Variants in PPP1R37 observed in about 807,000 individuals in gnomAD.
PPP1R37 encodes the protein protein phosphatase 1 regulatory subunit 37.
A neutral mutation model predicts 61.0 loss-of-function variants in PPP1R37; 21 were observed. That is an observed-to-expected ratio of 0.34 (90% CI 0.24 to 0.50). The LOEUF is 0.50. Among genes scored for constraint, PPP1R37 ranks in the 20% least tolerant of loss-of-function variants. The probability of loss-of-function intolerance (pLI) is 0.98; values close to 1 mark genes in which losing one functional copy is unlikely to be tolerated. For missense variants in PPP1R37, 910 were observed against 952.7 expected (o/e 0.96, Z 0.59); for synonymous variants, 443 against 433.5 (o/e 1.02, Z -0.27).
rs891629021 is a variant in PPP1R37 at position 45,130,141 on chromosome 19, C to CG, written c.203-8368dup. On this transcript the variant is annotated intron_variant, in intron 1 of 12. Coordinates refer to ENST00000221462, the MANE Select transcript of PPP1R37 (RefSeq NM_019121.2). This position sits in a 1 kb window ranked among gnomAD's most constrained non-coding sequence, Gnocchi z 4.4. ...ACCCCTCTTGGAGCTGGAGCACTAG[C>CG]GGGGGCTCAGCTGCCAAAACCCAGG... Among the ~76,000 whole-genome samples the CG allele has an allele frequency of 2.0e-5, 3 of 152,192 alleles. No individual in the cohort carries two copies. The East Asian group carries it at 5.8e-4, about 29-fold the overall frequency.
intron 2 of PPP1R37, among the ~76,000 whole-genome samples, chr19:45,138,946 T>C (rs1285531350): frequency 7.6e-6 from 1 of 132,340 alleles, no homozygotes; most frequent in Non-Finnish European, 1.6e-5. Context: ...GGAGTCTCGC[T>C]TTTGTCTCCC....
rs540449307 is a variant in PPP1R37, at chr19:45,117,304, C to T, written c.203-21210C>T. 2.6e-4 allele frequency among the ~76,000 whole-genome samples: 40 copies of T among 152,260 alleles called. No individual in the cohort carries two copies. In the East Asian group the frequency reaches 6.6e-3, roughly 25 times the overall value. On this transcript the variant is annotated intron_variant, in intron 1 of 12. Transcript: ENST00000221462. ...GGAAGCTGTCAGAGGGAGGGAAGAG[C>T]AGTTGCAGACCCGGAGGCGGGAACA... is the stretch of plus-strand genomic sequence containing the variant.
chr19:45,129,272 C>T (rs1968446990), intron 1 of PPP1R37, among the ~76,000 whole-genome samples: 1 of 152,162 alleles, frequency 6.6e-6, no homozygotes, highest in African/African-American at 2.4e-5. Context: ...CACTACAGCC[C>T]TGGTTGGGGG....
rs1193284114 is a variant in PPP1R37 at position 45,145,414 on chromosome 19, G to A, written c.1358G>A (p.Arg453His). Residue 453 changes from arginine to histidine, a missense_variant, in exon 11 of 13, where the codon CGC becomes CAC. By Grantham distance (29) the Arg-to-His change is conservative. Transcript: ENST00000221462. ...LLAEIQNGCK[R>H]NLVLAREREE... ...GCCGAGATCCAGAACGGCTGCAAGCGCAACTTGGTGCTGGCGCGGGAGAGG... is the reference window on the plus strand; with the variant it reads ...GCCGAGATCCAGAACGGCTGCAAGCACAACTTGGTGCTGGCGCGGGAGAGG... The A allele has an allele frequency of 2.0e-6, 3 of 1,535,402 alleles. No homozygotes were observed. The highest frequency in any genetic ancestry group is 1.4e-5 in the African/African-American group (1 of 73,134).
intron 1 of PPP1R37, among the ~76,000 whole-genome samples, chr19:45,119,746 G>T (rs1406499914): frequency 6.6e-6 from 1 of 152,234 alleles, no homozygotes; most frequent in Non-Finnish European, 1.5e-5. Flanking sequence ...AAGTGGCCAG[G>T]TAGGGCTGTG....
chr19:45,141,260 C>T, intron 4 of PPP1R37, 62 bp from the exon 5 acceptor site: 1 of 1,475,256 alleles, frequency 6.8e-7, no homozygotes, highest in Non-Finnish European at 9.0e-7. Context: ...GGTGTCAGGG[C>T]CCACGCCTCT....
intron 1 of PPP1R37, among the ~76,000 whole-genome samples, chr19:45,104,488 T>G (rs370253797): frequency 1.3e-5 from 2 of 152,182 alleles, no homozygotes; most frequent in East Asian, 3.9e-4. Context: ...AGTCCTTTTT[T>G]CCTGCATTCA....
Position 45,145,914 on chromosome 19 carries a change from C to T in PPP1R37, c.1858C>T (p.Pro620Ser). 2 of 1,534,086 alleles carry T rather than the reference C, an allele frequency of 1.3e-6. No individual in the cohort carries two copies. Among genetic ancestry groups the T allele is most frequent in the Non-Finnish European group, 1.7e-6 (2 of 1,146,296 alleles). Residue 620 changes from proline (P) to serine (S), a missense_variant, in exon 11 of 13, where the codon CCT becomes TCT. This residue lies in a region of PPP1R37 where 549 missense variants were observed against 505.1 expected (regional missense o/e 1.09). Transcript: ENST00000221462. ...IDTRDTGSSE[P>S]QPPPEPPRSG... ...CACCCGGGACACAGGGTCCTCTGAGCCTCAGCCACCACCGGAGCCGCCTCG... is the reference window on the plus strand; with the variant it reads ...CACCCGGGACACAGGGTCCTCTGAGTCTCAGCCACCACCGGAGCCGCCTCG...
intron 1 of PPP1R37, among the ~76,000 whole-genome samples, chr19:45,095,625 TGG>T (rs1284254095): frequency 6.6e-6 from 1 of 151,756 alleles, no homozygotes; most frequent in African/African-American, 2.4e-5. Flanking sequence ...TAGCCAGGTG[TGG>T]TGGTGCACGC....
At chr19:45,139,232 G>A (rs2122751857) in intron 2 of PPP1R37, among the ~76,000 whole-genome samples, 1 of 152,254 alleles carries the variant, frequency 6.6e-6, no homozygotes, top group South Asian at 2.1e-4. Context: ...ATAAAAGTCA[G>A]AATTACAGAA....
At chr19:45,106,458 G>C (rs886224329) in intron 1 of PPP1R37, among the ~76,000 whole-genome samples, 2 of 152,104 alleles carry the variant, frequency 1.3e-5, no homozygotes, top group African/African-American at 4.8e-5. Flanking sequence ...TGGCTGGGCT[G>C]ATCTCGAACT....
intron 1 of PPP1R37, among the ~76,000 whole-genome samples, chr19:45,128,180 C>G (rs974782841): frequency 1.3e-5 from 2 of 152,240 alleles, no homozygotes; most frequent in Admixed American, 6.5e-5. Context: ...GCCAGCTCAC[C>G]TTCCTAAAAG....
intron 1 of PPP1R37, among the ~76,000 whole-genome samples, chr19:45,093,794 A>T (rs1218861907): frequency 6.6e-6 from 1 of 152,080 alleles, no homozygotes; most frequent in East Asian, 1.9e-4. Flanking sequence ...GCAATTAAAG[A>T]AAGTTTGGTG....
chr19:45,103,339 C>T (rs926883664), intron 1 of PPP1R37, among the ~76,000 whole-genome samples: 16 of 152,204 alleles, frequency 1.1e-4, no homozygotes, highest in African/African-American at 3.4e-4. Flanking sequence ...AAGCCTGGGT[C>T]GGGAGCCCTG....
chr19:45,110,841 T>G (rs1259664691), intron 1 of PPP1R37, among the ~76,000 whole-genome samples: 1 of 152,120 alleles, frequency 6.6e-6, no homozygotes, highest in Non-Finnish European at 1.5e-5. Context: ...AATTCCAATC[T>G]AAAGCACTCC....
chr19:45,116,911 CTT>C (rs61317000), intron 1 of PPP1R37, among the ~76,000 whole-genome samples: 14 of 121,026 alleles, frequency 1.2e-4, no homozygotes, highest in African/African-American at 1.6e-4. Flanking sequence ...GAGGAGGTGA[CTT>C]TTTTTTTTTT....
chr19:45,110,305 G>A (rs1208288036), intron 1 of PPP1R37, among the ~76,000 whole-genome samples: 2 of 151,678 alleles, frequency 1.3e-5, no homozygotes, highest in Admixed American at 6.6e-5. Flanking sequence ...TTGTAGAGAC[G>A]GGGTTTCCCT....
rs1350556811 is a variant in PPP1R37, at chr19:45,142,116, C to T, written c.623C>T (p.Ala208Val). 9.8e-6 allele frequency: 15 copies of T among 1,534,366 alleles called. No individual in the cohort carries two copies. The highest frequency in any genetic ancestry group is 3.9e-5 in the Admixed American group (2 of 50,930). ...AACACGCCCCTGCTGGACCACTCGG[C>T]GCCCTTCGTGGCCCGTGCCCTGCGC... Reference protein sequence around the residue: ...ARNTPLLDHSAPFVARALRIR... With the variant: ...ARNTPLLDHSVPFVARALRIR... Residue 208 changes from alanine (A) to valine (V), a missense_variant, in exon 6 of 13, where the codon GCG (alanine) becomes GTG (valine). Ala to Val is a moderately conservative substitution (Grantham distance 64). This residue lies in a region of PPP1R37 where 280 missense variants were observed against 382.2 expected (regional missense o/e 0.73). Transcript: ENST00000221462.
At position 45,138,572 on chromosome 19, in the gene PPP1R37, G is replaced by A; in HGVS notation, c.261G>A (p.Leu87=). 6.8e-7 allele frequency: 1 copy of A among 1,461,924 alleles called. No individual in the cohort carries two copies. The highest frequency in any genetic ancestry group is 1.2e-5 in the South Asian group (1 of 83,342). The allele number at this position is 1,461,924 out of a possible 1,614,324, so 90.6% of individuals were successfully genotyped here. A position where few individuals can be genotyped will look rare whatever the true frequency, so the allele number is the denominator to read the frequency against. ...CCTACAAGCAGGCCTGCCAGAAGCTGAACTGCAGGCAGATCCCCAAGCTCC... is the reference window on the plus strand; with the variant it reads ...CCTACAAGCAGGCCTGCCAGAAGCTAAACTGCAGGCAGATCCCCAAGCTCC... ...IGAYKQACQK[L]NCRQIPKLLR... Residue 87 remains leucine, a synonymous_variant, in exon 2 of 13, where the codon CTG becomes CTA. Coordinates refer to ENST00000221462, the MANE Select transcript of PPP1R37 (RefSeq NM_019121.2).
Sources: allele counts gnomAD v4.1 joint callset (sites outside exome capture counted in the v4.1 genomes callset), GRCh38; gene constraint gnomAD v4.1.1; regional missense constraint gnomAD v4.1.1; non-coding constraint Gnocchi (gnomAD v3.1); transcripts MANE v1.5; gene names NCBI Gene and HGNC (gene_info 2026-07-23, HGNC 2026-07-21).